LATS2: variants seen among roughly 807,000 people sequenced by gnomAD.
The protein encoded by LATS2 is serine/threonine-protein kinase LATS2.
Under a neutral mutation model 76.0 loss-of-function variants are expected in LATS2, and 24 were observed. The observed-to-expected ratio is 0.32, with a 90% CI of 0.23 to 0.44. The LOEUF is 0.44. Among genes scored for constraint, LATS2 ranks in the 20% least tolerant of loss-of-function variants. LATS2 has a pLI of 1.00. For missense variants in LATS2, 1,286 were observed against 1,481.2 expected (o/e 0.87, Z 2.16); for synonymous variants, 692 against 635.4 (o/e 1.09, Z -1.34).
At chr13:20,995,224 T>C (rs1048124075) in intron 2 of LATS2, among the ~76,000 whole-genome samples, 1 of 152,176 alleles carries the variant, frequency 6.6e-6, no homozygotes, top group Non-Finnish European at 1.5e-5. Context: ...ACATAAAAAC[T>C]GTAATTGTAG....
chr13:21,015,866 A>G (rs538595173), intron 2 of LATS2, among the ~76,000 whole-genome samples: 268 of 151,202 alleles, frequency 1.8e-3, no homozygotes, highest in African/African-American at 6.3e-3. Context: ...TGCCCAGCTA[A>G]TTTTTGTATT....
chr13:21,055,042 T>A (rs904295046), intron 1 of LATS2, among the ~76,000 whole-genome samples: 1 of 152,240 alleles, frequency 6.6e-6, no homozygotes, highest in East Asian at 1.9e-4. Context: ...TTAGAAAGGA[T>A]GAAACGTTCC....
chr13:21,019,380 G>A (rs1871946795), intron 2 of LATS2, among the ~76,000 whole-genome samples: 1 of 149,764 alleles, frequency 6.7e-6, no homozygotes, highest in Non-Finnish European at 1.5e-5. Flanking sequence ...ACGCTGGAGT[G>A]CAGTGGCGCA....
At chr13:21,044,689 G>GGTGTGTGTGTGT (rs71090554) in intron 2 of LATS2, among the ~76,000 whole-genome samples, 111 of 137,780 alleles carry the variant, frequency 8.1e-4, no homozygotes, top group African/African-American at 2.8e-3. Context: ...GAGGTGTAGG[G>GGTGTGTGTGTGT]GTGTGTGTGT....
intron 2 of LATS2, among the ~76,000 whole-genome samples, chr13:20,992,052 C>T (rs1384927422): frequency 3.3e-5 from 5 of 152,090 alleles, no homozygotes; most frequent in South Asian, 2.1e-4. Context: ...GTGGCCACCA[C>T]GGGAGAGGGC....
intron 2 of LATS2, among the ~76,000 whole-genome samples, chr13:21,024,579 C>A (rs1340406186): frequency 6.6e-6 from 1 of 151,818 alleles, no homozygotes; most frequent in African/African-American, 2.4e-5. Context: ...CTGCATAGCG[C>A]CTCACGGATG....
chr13:20,989,920 T>C (rs1565946109), intron 3 of LATS2, among the ~76,000 whole-genome samples: 1 of 152,234 alleles, frequency 6.6e-6, no homozygotes, highest in Non-Finnish European at 1.5e-5. Flanking sequence ...GCTGCTACCT[T>C]AATCCTGACC....
intron 2 of LATS2, among the ~76,000 whole-genome samples, chr13:21,031,343 CAT>C (rs1363517823): frequency 4.6e-5 from 7 of 152,180 alleles, no homozygotes; most frequent in African/African-American, 1.7e-4. Flanking sequence ...TGGACAACCT[CAT>C]ATCATCCCAC....
intron 2 of LATS2, among the ~76,000 whole-genome samples, chr13:21,022,841 G>C (rs1168166132): frequency 6.6e-6 from 1 of 152,118 alleles, no homozygotes; most frequent in Non-Finnish European, 1.5e-5. Context: ...GTTCATAAAG[G>C]GATTTTGCAG....
chr13:21,034,962 G>A (rs1436294841), intron 2 of LATS2, among the ~76,000 whole-genome samples: 2 of 152,182 alleles, frequency 1.3e-5, no homozygotes, highest in Admixed American at 1.3e-4. Flanking sequence ...TGAGCACAGT[G>A]GTTCATGCCT....
intron 2 of LATS2, among the ~76,000 whole-genome samples, chr13:21,035,577 G>A (rs4770093): frequency 0.57 from 86,057 of 152,086 alleles, 27,945 homozygotes; most frequent in Non-Finnish European, 0.73. Context: ...ATGAGTTCCC[G>A]CCTAGATCTC....
intron 2 of LATS2, among the ~76,000 whole-genome samples, chr13:21,015,278 G>A (rs907222020): frequency 3.3e-5 from 5 of 152,174 alleles, no homozygotes; most frequent in African/African-American, 7.2e-5. Context: ...AGCCTCTGGT[G>A]TGAGTGGGAT....
intron 2 of LATS2, among the ~76,000 whole-genome samples, chr13:21,038,192 C>T (rs1304646033): frequency 1.3e-5 from 2 of 152,008 alleles, no homozygotes; most frequent in African/African-American, 2.4e-5. Flanking sequence ...CCAGGAGCCA[C>T]CAAGATCCCA....
chr13:21,019,363 G>A (rs1871945714), intron 2 of LATS2, among the ~76,000 whole-genome samples: 1 of 149,488 alleles, frequency 6.7e-6, no homozygotes, highest in African/African-American at 2.4e-5. Context: ...TTTCACTCTT[G>A]TAGCCCACGC....
At position 20,974,497 on chromosome 13, in the gene LATS2, T is replaced by C; in HGVS notation, c.*373A>G. On this transcript the variant is annotated 3_prime_UTR_variant, in exon 8 of 8. Coordinates refer to ENST00000382592, the MANE Select transcript of LATS2 (RefSeq NM_014572.3). ...CAGTTTTTATGTCTTTTCCTAAATG[T>C]GAATAAGTGCTATGGATAAAATACA... 3 of 236,132 alleles carry C rather than the reference T, an allele frequency of 1.3e-5. No individual in the cohort carries two copies. Among genetic ancestry groups the C allele is most frequent in the Non-Finnish European group, 2.5e-5 (3 of 120,734 alleles). 14.6% of individuals were successfully genotyped at this position (236,132 alleles called of 1,614,324 possible). A position where few individuals can be genotyped will look rare whatever the true frequency, so the allele number is the denominator to read the frequency against.
At chr13:21,025,055 T>A (rs1872254623) in intron 2 of LATS2, among the ~76,000 whole-genome samples, 1 of 152,116 alleles carries the variant, frequency 6.6e-6, no homozygotes, top group Non-Finnish European at 1.5e-5. Context: ...TCAATTATAA[T>A]CAGTATTCCT....
At chr13:21,009,111 T>C (rs1002050424) in intron 2 of LATS2, among the ~76,000 whole-genome samples, 1 of 152,228 alleles carries the variant, frequency 6.6e-6, no homozygotes, top group East Asian at 1.9e-4. Flanking sequence ...TGAGTGCATA[T>C]TCACTGTGTC....
intron 1 of LATS2, among the ~76,000 whole-genome samples, chr13:21,050,197 G>A (rs1037527944): frequency 8.4e-6 from 1 of 119,056 alleles, no homozygotes; most frequent in Non-Finnish European, 1.9e-5. Flanking sequence ...CTGAAAGCCA[G>A]GAGGAACAGT....
chr13:21,010,149 A>G (rs546435647), intron 2 of LATS2, among the ~76,000 whole-genome samples: 7 of 152,222 alleles, frequency 4.6e-5, no homozygotes, highest in Non-Finnish European at 7.4e-5. Flanking sequence ...GCAGTGAGCC[A>G]AGATCGCACC....
Sources: allele counts gnomAD v4.1 joint callset (sites outside exome capture counted in the v4.1 genomes callset), GRCh38; gene constraint gnomAD v4.1.1; transcripts MANE v1.5; gene names NCBI Gene and HGNC (gene_info 2026-07-23, HGNC 2026-07-21).